Variants in JCAD observed in about 807,000 individuals in gnomAD.
The protein encoded by JCAD is junctional cadherin 5-associated protein.
Under a neutral mutation model 98.0 loss-of-function variants are expected in JCAD, and 40 were observed. The ratio of observed to expected loss-of-function variants is 0.41; its 90% confidence interval spans 0.32 to 0.53. The LOEUF is 0.53. Ranked by LOEUF, JCAD falls within the 20% of genes least tolerant of loss-of-function variation. The pLI, the probability that JCAD is intolerant of heterozygous loss-of-function variation, is 0.31. For synonymous variants in JCAD, 691 were observed against 682.3 expected, an observed-to-expected ratio of 1.01 and a Z score of -0.20; for missense variants, 1,705 against 1,738.1, an observed-to-expected ratio of 0.98 and a Z score of 0.34.
chr10:30,074,895 C>T (rs138349008), intron 1 of JCAD, among the ~76,000 whole-genome samples: 3,168 of 152,224 alleles, frequency 0.021, 124 homozygotes, highest in African/African-American at 0.072. Flanking sequence ...TGGGCTCAAG[C>T]GATCCTCTTG....
At chr10:30,055,938 A>G (rs991664019) in intron 1 of JCAD, among the ~76,000 whole-genome samples, 2 of 151,520 alleles carry the variant, frequency 1.3e-5, no homozygotes, top group African/African-American at 4.9e-5. Flanking sequence ...GAACACACAC[A>G]CATGCACTTA....
chr10:30,076,126 C>A (rs376931451), intron 1 of JCAD, among the ~76,000 whole-genome samples: 1 of 151,966 alleles, frequency 6.6e-6, no homozygotes, highest in Non-Finnish European at 1.5e-5. Flanking sequence ...TGGGTTCAAG[C>A]GATTCTCCTG....
chr10:30,054,859 C>T (rs1837537161), intron 1 of JCAD, among the ~76,000 whole-genome samples: 1 of 151,910 alleles, frequency 6.6e-6, no homozygotes, highest in Non-Finnish European at 1.5e-5. Context: ...TTAGTAGAGA[C>T]AGGGTTTCAC....
chr10:30,081,529 T>A (rs544198140), intron 1 of JCAD, among the ~76,000 whole-genome samples: 1 of 152,310 alleles, frequency 6.6e-6, no homozygotes, highest in East Asian at 1.9e-4. Context: ...CCTCCCTGGT[T>A]CAAGCGATTC....
At chr10:30,112,918 G>T (rs996421213) in intron 1 of JCAD, among the ~76,000 whole-genome samples, 4 of 151,648 alleles carry the variant, frequency 2.6e-5, no homozygotes, top group African/African-American at 9.7e-5. Flanking sequence ...CAGCTCAGGG[G>T]TTCCCTGGAG....
intron 1 of JCAD, among the ~76,000 whole-genome samples, chr10:30,111,633 G>A (rs892176936): frequency 6.6e-6 from 1 of 152,112 alleles, no homozygotes; most frequent in Non-Finnish European, 1.5e-5. Context: ...ATAAAGCTAT[G>A]TATAAAGAAA....
rs918008703 is a variant in JCAD, at chr10:30,053,761, T to TA, written c.-60+5720dup. On this transcript the variant is annotated intron_variant, in intron 1 of 3. Coordinates refer to ENST00000375377, the MANE Select transcript of JCAD (RefSeq NM_020848.4). ...AAATTAGACTAAATGTCTAATTTAG[T>TA]AAAAAAAAAAAAAATTCTGGGCCAG... Among the ~76,000 whole-genome samples, 1,030 of 141,792 alleles carry TA rather than the reference T, an allele frequency of 7.3e-3. 11 individuals are homozygous for TA. The highest frequency in any genetic ancestry group is 0.02 in the African/African-American group (787 of 38,842). 93.0% of individuals were successfully genotyped at this position (141,792 alleles called of 152,430 possible). A position where few individuals can be genotyped will look rare whatever the true frequency, so the allele number is the denominator to read the frequency against.
At chr10:30,033,812 C>G (rs1444694228) in intron 2 of JCAD, among the ~76,000 whole-genome samples, 1 of 152,160 alleles carries the variant, frequency 6.6e-6, no homozygotes, top group African/African-American at 2.4e-5. Flanking sequence ...AGAGCCCTTC[C>G]AATCACAGAG....
chr10:30,045,366 G>A (rs1046299519), intron 2 of JCAD, among the ~76,000 whole-genome samples: 5 of 152,072 alleles, frequency 3.3e-5, no homozygotes, highest in South Asian at 2.1e-4. Flanking sequence ...GAAACTGACC[G>A]TTCTGCTTTT....
intron 2 of JCAD, among the ~76,000 whole-genome samples, chr10:30,040,490 C>T (rs1388940005): frequency 6.6e-6 from 1 of 152,232 alleles, no homozygotes; most frequent in East Asian, 1.9e-4. Context: ...AGACCAGCCT[C>T]GTTCTCATTT....
chr10:30,091,861 T>G (rs1838272694), intron 1 of JCAD, among the ~76,000 whole-genome samples: 1 of 146,318 alleles, frequency 6.8e-6, no homozygotes, highest in Admixed American at 6.9e-5. Flanking sequence ...CTGTCTCTAC[T>G]AAATAAAAAT....
intron 2 of JCAD, among the ~76,000 whole-genome samples, chr10:30,033,540 A>G (rs986966123): frequency 1.3e-5 from 2 of 152,170 alleles, no homozygotes; most frequent in Non-Finnish European, 2.9e-5. Flanking sequence ...CCTAGTTATT[A>G]CAACTATTTT....
intron 1 of JCAD, among the ~76,000 whole-genome samples, chr10:30,097,409 A>C (rs901200038): frequency 1.3e-5 from 2 of 152,116 alleles, no homozygotes; most frequent in African/African-American, 4.8e-5. Flanking sequence ...CAATTCATTG[A>C]GTTTTCTATT....
chr10:30,077,064 C>T (rs542138656), intron 1 of JCAD, among the ~76,000 whole-genome samples: 1 of 152,266 alleles, frequency 6.6e-6, no homozygotes, highest in South Asian at 2.1e-4. Flanking sequence ...AATGCCTCTG[C>T]AAGGCAGCCT....
intron 1 of JCAD, among the ~76,000 whole-genome samples, chr10:30,099,884 C>T (rs12246253): frequency 0.018 from 2,798 of 152,242 alleles, 80 homozygotes; most frequent in African/African-American, 0.063. Context: ...TTGCGATTAC[C>T]GGCTCCACTC....
At chr10:30,055,093 A>G (rs1228241622) in intron 1 of JCAD, among the ~76,000 whole-genome samples, 1 of 152,262 alleles carries the variant, frequency 6.6e-6, no homozygotes, top group Non-Finnish European at 1.5e-5. Flanking sequence ...CATGTGCCTT[A>G]TCTGCCAGAG....
At chr10:30,104,782 TTTTGTTTGTTTG>T (rs148220694) in intron 1 of JCAD, among the ~76,000 whole-genome samples, 5 of 151,902 alleles carry the variant, frequency 3.3e-5, no homozygotes, top group Admixed American at 6.5e-5. Context: ...AGTTTTTTGT[TTTTGTTTGTTTG>T]TTTGTTTGTT....
At chr10:30,092,050 AAAAAAAAAAAAAAAATATATATAT>A (rs1838279666) in intron 1 of JCAD, among the ~76,000 whole-genome samples, 1 of 30,588 alleles carries the variant, frequency 3.3e-5, no homozygotes, top group African/African-American at 1.4e-4. Context: ...AAAAAAAAAA[AAAAAAAAAAAAAAAATATATATAT>A]ATATATATAT....
At chr10:30,023,630 C>T (rs181546434) in intron 3 of JCAD, among the ~76,000 whole-genome samples, 1 of 152,210 alleles carries the variant, frequency 6.6e-6, no homozygotes, top group East Asian at 1.9e-4. Context: ...ACATGAGTGG[C>T]TCTCTGCCTG....
Sources: gnomAD v4.1 joint callset for allele counts (sites outside exome capture counted in the v4.1 genomes callset) on GRCh38, gnomAD v4.1.1 for gene constraint, MANE v1.5 for transcripts, NCBI Gene and HGNC (gene_info 2026-07-23, HGNC 2026-07-21) for gene names.